The following PPP2R3A variants were observed in gnomAD, a reference collection of about 807,000 sequenced individuals.
PPP2R3A encodes the protein protein phosphatase 2 regulatory subunit B''alpha, also known as serine/threonine-protein phosphatase 2A regulatory subunit B'' subunit alpha.
PPP2R3A carries 80 observed loss-of-function variants against 106.9 expected under a neutral mutation model. That is an observed-to-expected ratio of 0.75 (90% confidence interval 0.62 to 0.90). PPP2R3A has a LOEUF of 0.90. PPP2R3A is among the 40% of genes least tolerant of loss of function. PPP2R3A has a pLI of 0.00. For synonymous variants in PPP2R3A, 483 were observed against 468.3 expected (o/e 1.03, Z -0.41); for missense variants, 1,386 against 1,350.4 (o/e 1.03, Z -0.41).
At chr3:136,005,653 T>C (rs771559993) in intron 2 of PPP2R3A, among the ~76,000 whole-genome samples, 6 of 152,126 alleles carry the variant, frequency 3.9e-5, no homozygotes, top group Non-Finnish European at 7.3e-5. Context: ...CATGACACAT[T>C]GCAGTACACA....
chr3:136,076,031 G>A (rs1936583914), intron 6 of PPP2R3A, among the ~76,000 whole-genome samples: 2 of 152,166 alleles, frequency 1.3e-5, no homozygotes, highest in Non-Finnish European at 2.9e-5. Context: ...AGTGGTTGGG[G>A]CCAGTAGAGA....
At chr3:135,997,618 A>G (rs1457663297) in intron 1 of PPP2R3A, among the ~76,000 whole-genome samples, 1 of 152,196 alleles carries the variant, frequency 6.6e-6, no homozygotes, top group African/African-American at 2.4e-5. Context: ...TACCTCCTCA[A>G]ACAACACATT....
chr3:136,088,847 T>A (rs1937023473), intron 9 of PPP2R3A, among the ~76,000 whole-genome samples: 1 of 152,220 alleles, frequency 6.6e-6, no homozygotes, highest in Non-Finnish European at 1.5e-5. Flanking sequence ...TGATGAATGA[T>A]GTTGAGATTG....
At chr3:136,060,519 T>C (rs1936039771) in intron 5 of PPP2R3A, among the ~76,000 whole-genome samples, 1 of 152,090 alleles carries the variant, frequency 6.6e-6, no homozygotes, top group Non-Finnish European at 1.5e-5. Context: ...GAGATCTGAT[T>C]GTTTGAAAGT....
intron 4 of PPP2R3A, among the ~76,000 whole-genome samples, chr3:136,041,251 T>G (rs201558256): frequency 7.9e-4 from 49 of 61,966 alleles, no homozygotes; most frequent in South Asian, 4.3e-3. Flanking sequence ...TTTTTTTTTG[T>G]TTTTTTTTTT....
chr3:136,146,380 ATTT>A lies in PPP2R3A; in HGVS notation c.*1222_*1224del. On this transcript the variant is annotated 3_prime_UTR_variant, in exon 14 of 14. Coordinates refer to ENST00000264977, the MANE Select transcript of PPP2R3A (RefSeq NM_002718.5). ...TGTCAGTCATCAACTTTTCCCCTAG[ATTT>A]TTTTTTTAACTAGTTCTGAAAGTGT... 2 of 150,826 alleles carry A rather than the reference ATTT, an allele frequency of 1.3e-5. No individual in the cohort carries two copies. Among genetic ancestry groups the A allele is most frequent in the Non-Finnish European group, 3.0e-5 (2 of 67,590 alleles). 9.3% of individuals were successfully genotyped at this position (150,826 alleles called of 1,614,324 possible). A position where few individuals can be genotyped will look rare whatever the true frequency, so the allele number is the denominator to read the frequency against.
intron 2 of PPP2R3A, among the ~76,000 whole-genome samples, chr3:136,024,320 A>G (rs1378225132): frequency 6.6e-6 from 1 of 152,146 alleles, no homozygotes; most frequent in African/African-American, 2.4e-5. Flanking sequence ...GGTTTAAATT[A>G]TATATCTCCT....
chr3:136,018,303 C>A (rs1056204990), intron 2 of PPP2R3A, among the ~76,000 whole-genome samples: 1 of 152,192 alleles, frequency 6.6e-6, no homozygotes, highest in African/African-American at 2.4e-5. Context: ...TGGTACAACA[C>A]ATTGCATATA....
chr3:135,972,773 C>G (rs944504417), intron 1 of PPP2R3A, among the ~76,000 whole-genome samples: 1 of 152,010 alleles, frequency 6.6e-6, no homozygotes, highest in African/African-American at 2.4e-5. Context: ...CTGTTCAAGT[C>G]TTTTATCAAT....
At chr3:136,121,275 C>G (rs1386284403) in intron 13 of PPP2R3A, among the ~76,000 whole-genome samples, 1 of 152,132 alleles carries the variant, frequency 6.6e-6, no homozygotes. Context: ...AAATCATGTC[C>G]TTTGCAGCAA....
At chr3:136,047,534 G>A (rs776429067) in intron 4 of PPP2R3A, among the ~76,000 whole-genome samples, 10 of 152,144 alleles carry the variant, frequency 6.6e-5, no homozygotes, top group African/African-American at 9.7e-5. Context: ...AAGCAAATTC[G>A]CAGAAACAGA....
chr3:136,040,396 C>G (rs1935225545), intron 3 of PPP2R3A, among the ~76,000 whole-genome samples: 1 of 151,986 alleles, frequency 6.6e-6, no homozygotes, highest in African/African-American at 2.4e-5. Context: ...AAAAATTTGC[C>G]AGGTGTGGTG....
chr3:136,061,585 G>T (rs760025382), intron 5 of PPP2R3A, among the ~76,000 whole-genome samples: 1 of 151,768 alleles, frequency 6.6e-6, no homozygotes, highest in Non-Finnish European at 1.5e-5. Context: ...CTGAGATTGC[G>T]CCAGTGCACT....
At chr3:136,071,761 AACCCC>A in intron 6 of PPP2R3A, among the ~76,000 whole-genome samples, 1 of 152,160 alleles carries the variant, frequency 6.6e-6, no homozygotes, top group South Asian at 2.1e-4. Context: ...ATACCCTGGC[AACCCC>A]TATTCTCTCA....
At chr3:136,036,336 A>T (rs1341720411) in intron 3 of PPP2R3A, among the ~76,000 whole-genome samples, 1 of 152,130 alleles carries the variant, frequency 6.6e-6, no homozygotes, top group Non-Finnish European at 1.5e-5. Context: ...GTTCCTTCTC[A>T]TATGGGTAGG....
At chr3:136,065,867 G>C (rs921891072) in intron 5 of PPP2R3A, among the ~76,000 whole-genome samples, 8 of 152,066 alleles carry the variant, frequency 5.3e-5, no homozygotes, top group African/African-American at 1.9e-4. Context: ...ATAGAGACAA[G>C]GTCTTGCTAT....
chr3:136,126,743 C>T (rs963258083), intron 13 of PPP2R3A, among the ~76,000 whole-genome samples: 6 of 152,100 alleles, frequency 3.9e-5, no homozygotes, highest in African/African-American at 4.8e-5. Context: ...TAGTAGGGGC[C>T]GACAGATACC....
At chr3:136,047,507 C>T (rs1288406189) in intron 4 of PPP2R3A, among the ~76,000 whole-genome samples, 1 of 152,196 alleles carries the variant, frequency 6.6e-6, no homozygotes, top group African/African-American at 2.4e-5. Context: ...ATGGATGCAG[C>T]TGGAGACCAT....
intron 10 of PPP2R3A, among the ~76,000 whole-genome samples, chr3:136,098,949 C>CA (rs1345312649): frequency 6.6e-6 from 1 of 152,146 alleles, no homozygotes; most frequent in Non-Finnish European, 1.5e-5. Context: ...GAACATAAAA[C>CA]AGAGGGTCTC....
Sources: gnomAD v4.1 joint callset for allele counts (sites outside exome capture counted in the v4.1 genomes callset) on GRCh38, gnomAD v4.1.1 for gene constraint, MANE v1.5 for transcripts, NCBI Gene and HGNC (gene_info 2026-07-23, HGNC 2026-07-21) for gene names.